Variants in DNAH7 observed in about 807,000 individuals in gnomAD.
DNAH7 encodes the protein dynein axonemal heavy chain 7.
DNAH7 carries 397 observed loss-of-function variants against 444.6 expected under a neutral mutation model. That is an observed-to-expected ratio of 0.89 (90% confidence interval 0.82 to 0.97). The LOEUF is 0.97. Among genes scored for constraint, DNAH7 ranks in the 50% least tolerant of loss-of-function variants. The pLI is 0.00. For missense variants in DNAH7, 4,902 were observed against 4,800.8 expected (o/e 1.02, Z -0.62); for synonymous variants, 1,636 against 1,624.4 (o/e 1.01, Z -0.17).
intron 21 of DNAH7, among the ~76,000 whole-genome samples, chr2:195,934,180 T>A (rs1267079597): frequency 6.6e-6 from 1 of 152,220 alleles, no homozygotes; most frequent in East Asian, 1.9e-4. Context: ...TTCTAACATT[T>A]TGTATGCATT....
At chr2:195,940,883 A>C (rs1011406001) in intron 19 of DNAH7, among the ~76,000 whole-genome samples, 2 of 152,180 alleles carry the variant, frequency 1.3e-5, no homozygotes, top group African/African-American at 4.8e-5. Flanking sequence ...CAGATGCTGG[A>C]GAAGATGTGG....
intron 5 of DNAH7, among the ~76,000 whole-genome samples, chr2:196,031,901 C>A (rs1444266861): frequency 2.0e-5 from 3 of 152,186 alleles, no homozygotes; most frequent in African/African-American, 7.2e-5. Context: ...CCAACCTCTG[C>A]CTTTTACCCA....
intron 24 of DNAH7, among the ~76,000 whole-genome samples, chr2:195,920,810 A>G (rs1286629290): frequency 1.3e-5 from 2 of 152,250 alleles, no homozygotes; most frequent in South Asian, 2.1e-4. Context: ...AAATATTTGC[A>G]AACTATGCAT....
At chr2:195,928,941 T>A (rs1372075935) in intron 21 of DNAH7, among the ~76,000 whole-genome samples, 1 of 152,064 alleles carries the variant, frequency 6.6e-6, no homozygotes, top group African/African-American at 2.4e-5. Flanking sequence ...CAATCCCTCT[T>A]CACTGGCAAT....
Position 195,988,354 on chromosome 2 carries a change from TTAACCTC to T in DNAH7, c.1354-132_1354-126del, listed in dbSNP as rs1393854172. The T allele has an allele frequency of 6.0e-6, 5 of 833,200 alleles. No individual in the cohort carries two copies. The African/African-American group carries it at 8.8e-5, about 15-fold the overall frequency. The allele number at this position is 833,200 out of a possible 1,614,324, so 51.6% of individuals were successfully genotyped here. A position where few individuals can be genotyped will look rare whatever the true frequency, so the allele number is the denominator to read the frequency against. ...TTATTCACAAGGTTGTTTTAACTGTTTAACCTCTAATCTATAGAAAGATATTAGACTA... is the reference window on the plus strand; with the variant it reads ...TTATTCACAAGGTTGTTTTAACTGTTTAATCTATAGAAAGATATTAGACTA... On this transcript the variant is annotated intron_variant, in intron 12 of 64. Transcript: ENST00000312428.
At chr2:195,890,504 T>C (rs1483462363) in intron 31 of DNAH7, among the ~76,000 whole-genome samples, 1 of 152,174 alleles carries the variant, frequency 6.6e-6, no homozygotes. Context: ...AAAATAGAGG[T>C]ATCTCATGAT....
chr2:196,017,274 A>G (rs992835612), intron 9 of DNAH7, among the ~76,000 whole-genome samples: 1 of 152,158 alleles, frequency 6.6e-6, no homozygotes, highest in Non-Finnish European at 1.5e-5. Context: ...CGGCTTCCCA[A>G]AGTGCTGGAA....
At chr2:195,877,064 C>T (rs1452394291) in intron 36 of DNAH7, among the ~76,000 whole-genome samples, 1 of 152,116 alleles carries the variant, frequency 6.6e-6, no homozygotes, top group Non-Finnish European at 1.5e-5. Flanking sequence ...TATTATCTTT[C>T]CACTTACATA....
chr2:195,922,293 C>A, intron 23 of DNAH7, 96 bp from the exon 24 acceptor site: 2 of 675,270 alleles, frequency 3.0e-6, no homozygotes, highest in Non-Finnish European at 5.0e-6. Context: ...ATATAGACAT[C>A]TTTAAAGTTC....
rs1351677286 is a variant in DNAH7, at chr2:195,740,579, CTGTATATGTGTGTGTG to C, written c.11868+171_11868+186del. Among the ~76,000 whole-genome samples the C allele has an allele frequency of 1.2e-3, 137 of 118,734 alleles. 1 individual carries two copies. Among genetic ancestry groups the C allele is most frequent in the Middle Eastern group, 8.6e-3 (2 of 232 alleles). The allele number at this position is 118,734 out of a possible 152,430, so 77.9% of individuals were successfully genotyped here. A position where few individuals can be genotyped will look rare whatever the true frequency, so the allele number is the denominator to read the frequency against. On this transcript the variant is annotated intron_variant, in intron 64 of 64. Coordinates refer to ENST00000312428, the MANE Select transcript of DNAH7 (RefSeq NM_018897.3). ...AATTACCATGAATAACAAGAATTGA[CTGTATATGTGTGTGTG>C]TGTGTGTGTGTGTGTGTGTGTATAT...
chr2:195,754,307 T>C (rs771258816), intron 63 of DNAH7, 30 bp downstream of exon 63: 2 of 1,597,354 alleles, frequency 1.3e-6, no homozygotes, highest in Non-Finnish European at 1.7e-6. Context: ...TGCCCAGATA[T>C]GAGCCGACTC....
chr2:196,051,524 C>G (rs1168632265), intron 2 of DNAH7, among the ~76,000 whole-genome samples: 1 of 152,066 alleles, frequency 6.6e-6, no homozygotes, highest in African/African-American at 2.4e-5. Context: ...TCCCAGCACT[C>G]TGGGAGGCTG....
chr2:195,970,085 C>T lies in DNAH7; in HGVS notation c.2068G>A (p.Glu690Lys). The T allele has an allele frequency of 6.3e-7, 1 of 1,598,166 alleles. No individual in the cohort carries two copies. Among genetic ancestry groups the T allele is most frequent in the South Asian group, 1.2e-5 (1 of 86,526 alleles). ...CTCTCCAATTCCTCCACAAACCGTTCACACCGTAACTAATAAAAACAATTT... is the reference window on the plus strand; with the variant it reads ...CTCTCCAATTCCTCCACAAACCGTTTACACCGTAACTAATAAAAACAATTT... ...QYQEGLKLRC[E>K]RFVEELESYA... is the part of the protein sequence containing the mutation. Residue 690 changes from glutamate (E) to lysine (K), a missense_variant, in exon 17 of 65, where the codon GAA (glutamate) becomes AAA (lysine). Transcript: ENST00000312428.
chr2:195,882,028 A>G, intron 35 of DNAH7, 36 bp from the exon 36 acceptor site: 2 of 1,555,844 alleles, frequency 1.3e-6, no homozygotes, highest in Non-Finnish European at 1.8e-6. Context: ...TGAATGCTAT[A>G]AAATACTTTA....
chr2:196,034,062 G>A lies in DNAH7; in HGVS notation c.399-6015C>T, dbSNP rs1160029176. Among the ~76,000 whole-genome samples, 3 of 151,962 alleles carry A rather than the reference G, an allele frequency of 2.0e-5. No homozygotes were observed. In the East Asian group the frequency reaches 5.8e-4, roughly 29 times the overall value. ...CAATATACCAAAGGACCTAATAAGT[G>A]CAAAAAGGATATAAAAAGAAAAAAG... On this transcript the variant is annotated intron_variant, in intron 5 of 64. Transcript: ENST00000312428.
At chr2:195,965,720 G>A (rs1691427504) in intron 17 of DNAH7, among the ~76,000 whole-genome samples, 1 of 152,014 alleles carries the variant, frequency 6.6e-6, no homozygotes, top group South Asian at 2.1e-4. Flanking sequence ...AGGAATTTAA[G>A]CATTTCCTCG....
chr2:195,858,707 G>A lies in DNAH7; in HGVS notation c.7834C>T (p.Leu2612=). Residue 2612 remains leucine, a synonymous_variant, in exon 43 of 65, where the codon CTA becomes TTA. Coordinates refer to ENST00000312428, the MANE Select transcript of DNAH7 (RefSeq NM_018897.3). ...CTAGCAACTTTTAATTGAGGATGTA[G>A]TGCCTCCAACTCCATCTGCATTGTG... is the stretch of plus-strand genomic sequence containing the variant. ...VATMQMELEA[L]HPQLKVASKE... 6.2e-7 allele frequency: 1 copy of A among 1,614,002 alleles called. No homozygotes were observed. Among genetic ancestry groups the A allele is most frequent in the Non-Finnish European group, 8.5e-7 (1 of 1,179,938 alleles).
rs975553764 is a variant in DNAH7 at position 195,820,487 on chromosome 2, G to GT, written c.9292-2659dup. On this transcript the variant is annotated intron_variant, in intron 49 of 64. Coordinates refer to ENST00000312428, the MANE Select transcript of DNAH7 (RefSeq NM_018897.3). ...TTAAAAAAAAAAAAAAGAAATACTT[G>GT]TTTTTTTACCCTTGAAAATGCTACA... Among the ~76,000 whole-genome samples, 8 of 150,988 alleles carry GT rather than the reference G, an allele frequency of 5.3e-5. No homozygotes were observed. The East Asian group carries it at 1.6e-3, about 29-fold the overall frequency.
chr2:196,050,340 G>T (rs550496714), intron 3 of DNAH7, among the ~76,000 whole-genome samples: 589 of 152,190 alleles, frequency 3.9e-3, no homozygotes, highest in Non-Finnish European at 5.8e-3. Flanking sequence ...AGGAGGTGGG[G>T]GAGGGGAAAA....
Sources: allele counts gnomAD v4.1 joint callset (sites outside exome capture counted in the v4.1 genomes callset), GRCh38; gene constraint gnomAD v4.1.1; transcripts MANE v1.5; gene names NCBI Gene and HGNC (gene_info 2026-07-23, HGNC 2026-07-21).